The following EMSY variants were observed in gnomAD, a reference collection of about 807,000 sequenced individuals.
EMSY encodes the protein BRCA2-interacting transcriptional repressor EMSY.
A neutral mutation model predicts 134.6 loss-of-function variants in EMSY; 26 were observed. That is an observed-to-expected ratio of 0.19 (90% CI 0.14 to 0.27). The LOEUF is 0.27. Ranked by LOEUF, EMSY falls within the 10% of genes least tolerant of loss-of-function variation. EMSY has a pLI of 1.00. For missense variants in EMSY, 1,305 were observed against 1,611.4 expected, an observed-to-expected ratio of 0.81 and a Z score of 3.26; for synonymous variants, 579 against 577.8, an observed-to-expected ratio of 1.00 and a Z score of -0.03.
intron 6 of EMSY, among the ~76,000 whole-genome samples, chr11:76,462,428 T>A (rs1005793719): frequency 6.6e-6 from 1 of 152,226 alleles, no homozygotes; most frequent in Admixed American, 6.5e-5. Context: ...GGCACTATAC[T>A]GGGGAAACAA....
At chr11:76,465,629 T>C (rs938235438) in intron 7 of EMSY, among the ~76,000 whole-genome samples, 1 of 152,108 alleles carries the variant, frequency 6.6e-6, no homozygotes, top group African/African-American at 2.4e-5. Flanking sequence ...TCCTACTCTT[T>C]CATAGAAGCA....
At chr11:76,454,761 C>T (rs967715443) in intron 4 of EMSY, 4 of 1,462,616 alleles carry the variant, frequency 2.7e-6, no homozygotes, top group Non-Finnish European at 2.8e-6. Context: ...TGAATTTATC[C>T]TTATATTTGG....
At chr11:76,523,007 C>G in intron 11 of EMSY, 148 bp from the exon 13 acceptor site, 1 of 721,698 alleles carries the variant, frequency 1.4e-6, no homozygotes, top group Non-Finnish European at 2.2e-6. Flanking sequence ...ACTTACTATT[C>G]CAAGCCTTCA....
At chr11:76,469,656 CATT>C (rs370939700) in intron 7 of EMSY, among the ~76,000 whole-genome samples, 78 of 152,280 alleles carry the variant, frequency 5.1e-4, no homozygotes, top group African/African-American at 1.8e-3. Flanking sequence ...TGCTTAACAT[CATT>C]ATATCGTTTA....
intron 9 of EMSY, among the ~76,000 whole-genome samples, chr11:76,508,478 CT>C (rs560278302): frequency 9.2e-4 from 140 of 152,072 alleles, no homozygotes; most frequent in African/African-American, 3.2e-3. Context: ...ATTTAGCATC[CT>C]TTTTAAGGAC....
At chr11:76,538,686 A>G (rs1951317957) in intron 16 of EMSY, among the ~76,000 whole-genome samples, 1 of 152,148 alleles carries the variant, frequency 6.6e-6, no homozygotes, top group Admixed American at 6.5e-5. Flanking sequence ...AGCCAGATGC[A>G]GTGGCTCACG....
intron 12 of EMSY, among the ~76,000 whole-genome samples, chr11:76,523,836 G>A (rs542404658): frequency 5.0e-4 from 75 of 150,742 alleles, no homozygotes; most frequent in Non-Finnish European, 9.3e-4. Context: ...CTTTAGCCCA[G>A]GAGTTCAAGA....
At chr11:76,492,667 C>T (rs537626745) in intron 8 of EMSY, among the ~76,000 whole-genome samples, 1 of 152,232 alleles carries the variant, frequency 6.6e-6, no homozygotes, top group Non-Finnish European at 1.5e-5. Flanking sequence ...CCACAGAGCC[C>T]GCAGGGAGCC....
chr11:76,549,931 C>A, intron 20 of EMSY, 21 bp from the exon 22 acceptor site: 1 of 1,516,882 alleles, frequency 6.6e-7, no homozygotes, highest in Non-Finnish European at 8.9e-7. Context: ...CATAAAGATT[C>A]TCCTGTGTCT....
At chr11:76,501,806 T>C (rs1288795201) in intron 9 of EMSY, among the ~76,000 whole-genome samples, 1 of 152,030 alleles carries the variant, frequency 6.6e-6, no homozygotes, top group Non-Finnish European at 1.5e-5. Context: ...TCCAAATTTA[T>C]TGAAAAGCAG....
At chr11:76,448,905 G>A (rs1262247497) in intron 2 of EMSY, among the ~76,000 whole-genome samples, 1 of 152,018 alleles carries the variant, frequency 6.6e-6, no homozygotes, top group East Asian at 1.9e-4. Context: ...AAGAAATTGG[G>A]ATAGAGAATT....
chr11:76,489,038 C>T (rs904775206), intron 8 of EMSY, among the ~76,000 whole-genome samples: 3 of 152,206 alleles, frequency 2.0e-5, no homozygotes, highest in African/African-American at 7.2e-5. Context: ...ATGGGGCCAC[C>T]ATGACTGGCT....
intron 11 of EMSY, among the ~76,000 whole-genome samples, chr11:76,519,664 A>G (rs369602813): frequency 3.3e-5 from 5 of 152,216 alleles, no homozygotes; most frequent in Non-Finnish European, 7.4e-5. Context: ...CAAGATTGTC[A>G]GGTGATTTTA....
intron 17 of EMSY, among the ~76,000 whole-genome samples, chr11:76,541,216 A>C (rs1177014633): frequency 6.6e-6 from 1 of 152,224 alleles, no homozygotes; most frequent in African/African-American, 2.4e-5. Flanking sequence ...ACAGAGCAAG[A>C]CTGAGTCTCC....
chr11:76,517,291 G>A (rs1950481447), intron 11 of EMSY, among the ~76,000 whole-genome samples: 1 of 152,128 alleles, frequency 6.6e-6, no homozygotes, highest in Admixed American at 6.6e-5. Context: ...CTACTTTTAA[G>A]TGTAAGTGAG....
intron 20 of EMSY, 96 bp from the exon 22 acceptor site, chr11:76,549,856 G>A: frequency 3.4e-6 from 4 of 1,162,760 alleles, no homozygotes; most frequent in South Asian, 1.6e-5. Flanking sequence ...TCCAAAAAAT[G>A]TCAGTTTTCT....
chr11:76,460,140 G>A, intron 6 of EMSY, 55 bp downstream of exon 7: 1 of 1,580,140 alleles, frequency 6.3e-7, no homozygotes, highest in African/African-American at 1.3e-5. Flanking sequence ...CTGCAGTCTA[G>A]GCTCTGATTA....
chr11:76,544,901 T>C (rs1397685613), intron 19 of EMSY, 79 bp downstream of exon 20: 4 of 1,430,538 alleles, frequency 2.8e-6, no homozygotes, highest in African/African-American at 1.4e-5. Flanking sequence ...GACCCTATCA[T>C]GATATCAGTG....
intron 8 of EMSY, among the ~76,000 whole-genome samples, chr11:76,494,500 A>G (rs559060036): frequency 5.3e-5 from 8 of 152,296 alleles, no homozygotes; most frequent in South Asian, 2.1e-4. Flanking sequence ...GGCTCCAGAG[A>G]TAGTCTAGTT....
Sources: gnomAD v4.1 joint callset for allele counts (sites outside exome capture counted in the v4.1 genomes callset) on GRCh38, gnomAD v4.1.1 for gene constraint, MANE v1.5 for transcripts, NCBI Gene and HGNC (gene_info 2026-07-23, HGNC 2026-07-21) for gene names.